CREB5: variants seen among roughly 807,000 people sequenced by gnomAD.
CREB5 encodes the protein cAMP responsive element binding protein 5, also known as cyclic AMP-responsive element-binding protein 5.
A neutral mutation model predicts 57.1 loss-of-function variants in CREB5; 19 were observed. The ratio of observed to expected loss-of-function variants is 0.33; its 90% confidence interval spans 0.23 to 0.49. CREB5 has a LOEUF of 0.49. CREB5 is among the 20% of genes least tolerant of loss of function. The pLI is 0.99. For synonymous variants in CREB5, 238 were observed against 238.3 expected, an observed-to-expected ratio of 1.00 and a Z score of 0.01; for missense variants, 579 against 671.6, an observed-to-expected ratio of 0.86 and a Z score of 1.52.
chr7:28,432,010 GGTT>G (rs1474273986), intron 1 of CREB5, among the ~76,000 whole-genome samples: 1 of 102,968 alleles, frequency 9.7e-6, no homozygotes, highest in Non-Finnish European at 2.0e-5. Flanking sequence ...GCTTTTTTTT[GGTT>G]GTTGATTCTG....
At position 28,686,287 on chromosome 7, in the gene CREB5, C is replaced by T. The variant is rs758480923; in HGVS notation, c.465-32466C>T. ...CTGTTTTTGAGCCTTCGTCCTCCTCCTCCTCCTCTTCATTTTCTCCCCCTT... is the reference window on the plus strand; with the variant it reads ...CTGTTTTTGAGCCTTCGTCCTCCTCTTCCTCCTCTTCATTTTCTCCCCCTT... On this transcript the variant is annotated intron_variant, in intron 5 of 10. Coordinates refer to ENST00000357727, the MANE Select transcript of CREB5 (RefSeq NM_182898.4). 2.1e-5 allele frequency: 19 copies of T among 900,488 alleles called. No individual in the cohort carries two copies. In the South Asian group the frequency reaches 2.5e-4, roughly 12 times the overall value. The allele number at this position is 900,488 out of a possible 1,614,324, so 55.8% of individuals were successfully genotyped here. A position where few individuals can be genotyped will look rare whatever the true frequency, so the allele number is the denominator to read the frequency against.
chr7:28,669,505 G>T (rs897485234), intron 5 of CREB5, among the ~76,000 whole-genome samples: 2 of 152,210 alleles, frequency 1.3e-5, no homozygotes, highest in African/African-American at 4.8e-5. Flanking sequence ...ATGTACCGGG[G>T]TTGTGTAAGA....
chr7:28,743,838 CTTT>C (rs58302393), intron 7 of CREB5, among the ~76,000 whole-genome samples: 103 of 76,014 alleles, frequency 1.4e-3, no homozygotes, highest in Middle Eastern at 0.013. Flanking sequence ...ATCTCCTTTT[CTTT>C]TTTTTTTTTT....
Position 28,516,752 on chromosome 7 carries a change from G to A in CREB5, c.291+9015G>A, listed in dbSNP as rs4080113. On this transcript the variant is annotated intron_variant, in intron 4 of 10. Coordinates refer to ENST00000357727, the MANE Select transcript of CREB5 (RefSeq NM_182898.4). ...ATTGTTTTAAATTCCAGGTTGGGTC[G>A]GGTACTCAGCTTGTTTAAATCGCTT... 5.7e-4 allele frequency among the ~76,000 whole-genome samples: 87 copies of A among 152,294 alleles called. No homozygotes were observed. The East Asian group carries it at 0.012, about 21-fold the overall frequency.
chr7:28,672,893 A>C (rs1237178129), intron 5 of CREB5, among the ~76,000 whole-genome samples: 1 of 152,208 alleles, frequency 6.6e-6, no homozygotes, highest in Non-Finnish European at 1.5e-5. Flanking sequence ...AGTACTTTGA[A>C]AATTTTAGGG....
At chr7:28,540,448 G>A (rs1257843299) in intron 4 of CREB5, among the ~76,000 whole-genome samples, 1 of 152,118 alleles carries the variant, frequency 6.6e-6, no homozygotes, top group Admixed American at 6.5e-5. Context: ...TCTATATTTG[G>A]AAGTGCTGGG....
Position 28,463,185 on chromosome 7 carries a change from T to A in CREB5, c.4-24990T>A, listed in dbSNP as rs73297200. The stretch of plus-strand genomic sequence containing the variant: ...TCTCGGCATCATTTATTGAAAAGAT[T>A]GTTTTTTTCTTTCATTGCATGATCT... On this transcript the variant is annotated intron_variant, in intron 1 of 10. Coordinates refer to ENST00000357727, the MANE Select transcript of CREB5 (RefSeq NM_182898.4). 3.8e-3 allele frequency among the ~76,000 whole-genome samples: 581 copies of A among 152,256 alleles called. 4 individuals are homozygous for A. The highest frequency in any genetic ancestry group is 0.013 in the African/African-American group (560 of 41,576).
chr7:28,734,841 T>A (rs1415529030), intron 7 of CREB5, among the ~76,000 whole-genome samples: 1 of 152,194 alleles, frequency 6.6e-6, no homozygotes, highest in Non-Finnish European at 1.5e-5. Context: ...ATTTCTTACA[T>A]TATAGGTAAT....
chr7:28,621,685 T>C (rs1184357725), intron 5 of CREB5, among the ~76,000 whole-genome samples: 1 of 152,150 alleles, frequency 6.6e-6, no homozygotes, highest in Non-Finnish European at 1.5e-5. Context: ...CTCCCCTGAG[T>C]AGCAGAATGT....
chr7:28,682,682 TGGG>T lies in CREB5; in HGVS notation c.465-36061_465-36059del, dbSNP rs34179408. 6.7e-4 allele frequency among the ~76,000 whole-genome samples: 73 copies of T among 109,272 alleles called. 1 individual carries two copies. The highest frequency in any genetic ancestry group is 2.2e-3 in the African/African-American group (70 of 31,300). The allele number at this position is 109,272 out of a possible 152,430, so 71.7% of individuals were successfully genotyped here. A position where few individuals can be genotyped will look rare whatever the true frequency, so the allele number is the denominator to read the frequency against. On this transcript the variant is annotated intron_variant, in intron 5 of 10. Coordinates refer to ENST00000357727, the MANE Select transcript of CREB5 (RefSeq NM_182898.4). ...AGGAGAATAAATTCAAACCTAAAAG[TGGG>T]GGGGGGGGGAAACCCCAGCTCTCTC...
chr7:28,662,034 A>G (rs1387781784), intron 5 of CREB5, among the ~76,000 whole-genome samples: 1 of 152,136 alleles, frequency 6.6e-6, no homozygotes, highest in Non-Finnish European at 1.5e-5. Context: ...GTGCATGCCA[A>G]CCCCTGGGGA....
At chr7:28,666,543 T>G (rs1475889091) in intron 5 of CREB5, among the ~76,000 whole-genome samples, 1 of 132,408 alleles carries the variant, frequency 7.6e-6, no homozygotes, top group African/African-American at 3.0e-5. Context: ...ACTTTTAAAA[T>G]ATATATATTT....
At chr7:28,613,456 G>A (rs1797476125) in intron 5 of CREB5, among the ~76,000 whole-genome samples, 1 of 152,150 alleles carries the variant, frequency 6.6e-6, no homozygotes, top group African/African-American at 2.4e-5. Flanking sequence ...TACGACTTAT[G>A]ACTCATAGGT....
intron 1 of CREB5, among the ~76,000 whole-genome samples, chr7:28,461,474 T>A (rs1790348950): frequency 1.3e-5 from 2 of 152,120 alleles, no homozygotes; most frequent in Admixed American, 6.6e-5. Context: ...AGAAAATAGG[T>A]GGTATTTATT....
chr7:28,685,937 C>T, intron 5 of CREB5: 1 of 525,470 alleles, frequency 1.9e-6, no homozygotes, highest in Non-Finnish European at 3.4e-6. Context: ...TTCACTAGCA[C>T]TGAGCTAAAA....
At chr7:28,560,821 TGCGCGCGCGCGCGTGTGTGTGTGC>T (rs1366718268) in intron 4 of CREB5, among the ~76,000 whole-genome samples, 1 of 60,268 alleles carries the variant, frequency 1.7e-5, no homozygotes, top group African/African-American at 6.6e-5. Flanking sequence ...TGTGTGTGTG[TGCGCGCGCGCGCGTGTGTGTGTGC>T]GCGTGTGTGT....
chr7:28,805,007 G>GTTAAAAATCTAAAGAGTAAC lies in CREB5; in HGVS notation c.1026+486_1026+505dup, dbSNP rs1320215424. Among the ~76,000 whole-genome samples, 5 of 152,178 alleles carry GTTAAAAATCTAAAGAGTAAC rather than the reference G, an allele frequency of 3.3e-5. No individual in the cohort carries two copies. The South Asian group carries it at 6.2e-4, about 19-fold the overall frequency. On this transcript the variant is annotated intron_variant, in intron 8 of 10. Coordinates refer to ENST00000357727, the MANE Select transcript of CREB5 (RefSeq NM_182898.4). ...GGCAATCTTCTGAGTAACAGTGAATGTTAAAAATCTAAAGAGTAACAATTC... is the reference window on the plus strand; with the variant it reads ...GGCAATCTTCTGAGTAACAGTGAATGTTAAAAATCTAAAGAGTAACTTAAAAATCTAAAGAGTAACAATTC...
In CREB5 at chr7:28,822,899, AGTC is replaced by A. The variant is rs1480818277; in HGVS notation, c.*3621_*3623del. The A allele has an allele frequency of 6.5e-6, 1 of 152,674 alleles. No individual in the cohort carries two copies. The highest frequency in any genetic ancestry group is 1.5e-5 in the Non-Finnish European group (1 of 68,076). 9.5% of individuals were successfully genotyped at this position (152,674 alleles called of 1,614,324 possible). A position where few individuals can be genotyped will look rare whatever the true frequency, so the allele number is the denominator to read the frequency against. ...GGCCACATCAACGGATGCAAGTCAC[AGTC>A]TTAACACAGCCTGTGGGAGACAAGC... On this transcript the variant is annotated 3_prime_UTR_variant, in exon 11 of 11. Transcript: ENST00000357727.
intron 1 of CREB5, among the ~76,000 whole-genome samples, chr7:28,384,633 G>A (rs1787046661): frequency 6.6e-6 from 1 of 151,642 alleles, no homozygotes; most frequent in Non-Finnish European, 1.5e-5. Context: ...ATGTCTTGGG[G>A]ACTTATTAAT....
Sources: gnomAD v4.1 joint callset for allele counts (sites outside exome capture counted in the v4.1 genomes callset) on GRCh38, gnomAD v4.1.1 for gene constraint, MANE v1.5 for transcripts, NCBI Gene and HGNC (gene_info 2026-07-23, HGNC 2026-07-21) for gene names.